The following CADPS2 variants were observed in gnomAD, a reference collection of about 807,000 sequenced individuals.
CADPS2 encodes calcium dependent secretion activator 2.
A neutral mutation model predicts 172.5 loss-of-function variants in CADPS2; 93 were observed. That is an observed-to-expected ratio of 0.54 (90% CI 0.46 to 0.64). The LOEUF (loss-of-function observed/expected upper bound fraction) is 0.64. Ranked by LOEUF, CADPS2 falls within the 30% of genes least tolerant of loss-of-function variation. CADPS2 has a pLI of 0.00. For synonymous variants in CADPS2, 546 were observed against 555.2 expected (o/e 0.98, Z 0.23); for missense variants, 1,420 against 1,565.9 (o/e 0.91, Z 1.57).
chr7:122,820,720 C>T (rs1053471389), intron 1 of CADPS2, among the ~76,000 whole-genome samples: 1 of 133,776 alleles, frequency 7.5e-6, no homozygotes, highest in African/African-American at 2.9e-5. Flanking sequence ...CTACCACGCC[C>T]GGCTAATTTT....
At chr7:122,656,345 G>A (rs929657020) in intron 3 of CADPS2, among the ~76,000 whole-genome samples, 1 of 152,096 alleles carries the variant, frequency 6.6e-6, no homozygotes, top group Non-Finnish European at 1.5e-5. Context: ...TTTTGCCTGA[G>A]GGAAACACTG....
chr7:122,797,447 T>G (rs1051394621), intron 1 of CADPS2, among the ~76,000 whole-genome samples: 2 of 152,070 alleles, frequency 1.3e-5, no homozygotes, highest in African/African-American at 4.8e-5. Flanking sequence ...GGAATCAAAC[T>G]AAATGTCCAT....
At chr7:122,516,598 T>A (rs1179827410) in intron 8 of CADPS2, among the ~76,000 whole-genome samples, 1 of 151,968 alleles carries the variant, frequency 6.6e-6, no homozygotes, top group Non-Finnish European at 1.5e-5. Flanking sequence ...TATTTAAGAA[T>A]AAACACTCAA....
At chr7:122,659,274 G>A (rs1403208960) in intron 3 of CADPS2, among the ~76,000 whole-genome samples, 5 of 123,732 alleles carry the variant, frequency 4.0e-5, no homozygotes, top group Non-Finnish European at 6.8e-5. Context: ...AGCAGGAGAC[G>A]GAAACTACCA....
At chr7:122,683,794 T>G (rs1209440722) in intron 2 of CADPS2, among the ~76,000 whole-genome samples, 2 of 151,620 alleles carry the variant, frequency 1.3e-5, no homozygotes, top group African/African-American at 4.8e-5. Flanking sequence ...CTGTGTGGAG[T>G]TTGCATGTTC....
intron 7 of CADPS2, among the ~76,000 whole-genome samples, chr7:122,566,564 C>T (rs1321369716): frequency 2.6e-5 from 4 of 152,024 alleles, no homozygotes; most frequent in African/African-American, 7.2e-5. Flanking sequence ...TCTAAAGTGA[C>T]TTTGAATAGC....
intron 19 of CADPS2, 54 bp downstream of exon 19, chr7:122,414,014 T>C: frequency 6.9e-7 from 1 of 1,448,256 alleles, no homozygotes; most frequent in Non-Finnish European, 9.4e-7. Context: ...TATTTTAAAT[T>C]CACATAAAAG....
chr7:122,782,888 A>G (rs1011319249), intron 1 of CADPS2, among the ~76,000 whole-genome samples: 10 of 152,036 alleles, frequency 6.6e-5, no homozygotes, highest in African/African-American at 2.4e-4. Flanking sequence ...TTTTTATACT[A>G]TTTCTCCTTT....
At chr7:122,693,312 C>A (rs1450426493) in intron 2 of CADPS2, among the ~76,000 whole-genome samples, 1 of 152,180 alleles carries the variant, frequency 6.6e-6, no homozygotes, top group Non-Finnish European at 1.5e-5. Flanking sequence ...CTTCATATCG[C>A]CACAAGCCTT....
chr7:122,344,081 C>G (rs1214233895), intron 28 of CADPS2, among the ~76,000 whole-genome samples: 1 of 152,040 alleles, frequency 6.6e-6, no homozygotes, highest in African/African-American at 2.4e-5. Flanking sequence ...TTTTGACCAC[C>G]CAAACTGACA....
At chr7:122,470,081 T>C (rs1248918028) in intron 14 of CADPS2, among the ~76,000 whole-genome samples, 2 of 152,232 alleles carry the variant, frequency 1.3e-5, no homozygotes, top group African/African-American at 4.8e-5. Context: ...ATGTTGATGC[T>C]ATCACTTGGA....
At chr7:122,865,172 C>A (rs1173881470) in intron 1 of CADPS2, among the ~76,000 whole-genome samples, 3 of 152,164 alleles carry the variant, frequency 2.0e-5, no homozygotes, top group African/African-American at 7.2e-5. Flanking sequence ...CGTTTCTTCT[C>A]TCACCATGTA....
intron 3 of CADPS2, among the ~76,000 whole-genome samples, chr7:122,638,342 C>T (rs942993252): frequency 2.6e-5 from 4 of 152,150 alleles, no homozygotes; most frequent in African/African-American, 9.7e-5. Context: ...CTGCTTGGGG[C>T]TCTGCCCAAG....
At chr7:122,617,639 T>TA (rs776902166) in intron 5 of CADPS2, among the ~76,000 whole-genome samples, 39 of 152,068 alleles carry the variant, frequency 2.6e-4, no homozygotes, top group East Asian at 5.8e-4. Context: ...GTGTAGTTTA[T>TA]AAAAAAAATG....
At chr7:122,646,249 G>A (rs1028701919) in intron 3 of CADPS2, among the ~76,000 whole-genome samples, 2 of 151,846 alleles carry the variant, frequency 1.3e-5, no homozygotes, top group Non-Finnish European at 2.9e-5. Flanking sequence ...CCCAACAATA[G>A]GAAACACAAG....
chr7:122,466,022 AATG>A (rs1223854785), intron 14 of CADPS2, among the ~76,000 whole-genome samples: 1 of 152,202 alleles, frequency 6.6e-6, no homozygotes, highest in Non-Finnish European at 1.5e-5. Context: ...CTGTGTTAAA[AATG>A]ATAAGAAGAT....
intron 2 of CADPS2, among the ~76,000 whole-genome samples, chr7:122,686,160 GT>G (rs1185586143): frequency 6.6e-6 from 1 of 151,968 alleles, no homozygotes; most frequent in African/African-American, 2.4e-5. Flanking sequence ...ATACTTTTCA[GT>G]TTTTTTCTAT....
intron 27 of CADPS2, among the ~76,000 whole-genome samples, chr7:122,350,868 C>T (rs2038450256): frequency 6.6e-6 from 1 of 151,798 alleles, no homozygotes; most frequent in Non-Finnish European, 1.5e-5. Context: ...TCCCTGTAGT[C>T]CCAGCTGCTT....
chr7:122,562,677 C>T (rs1563711219), intron 7 of CADPS2, among the ~76,000 whole-genome samples: 1 of 151,830 alleles, frequency 6.6e-6, no homozygotes, highest in Non-Finnish European at 1.5e-5. Context: ...ATTAAATTTA[C>T]CTTTTAAATT....
Sources: gnomAD v4.1 joint callset for allele counts (sites outside exome capture counted in the v4.1 genomes callset) on GRCh38, gnomAD v4.1.1 for gene constraint, MANE v1.5 for transcripts, NCBI Gene and HGNC (gene_info 2026-07-23, HGNC 2026-07-21) for gene names.